Variants in CDV3 observed in about 807,000 individuals in gnomAD.
CDV3 encodes the protein CDV3 homolog.
Under a neutral mutation model 24.5 loss-of-function variants are expected in CDV3, and 14 were observed. That is an observed-to-expected ratio of 0.57 (90% CI 0.38 to 0.89). CDV3 has a LOEUF of 0.89. Among genes scored for constraint, CDV3 ranks in the 40% least tolerant of loss-of-function variants. The probability of loss-of-function intolerance (pLI) is 0.00; values close to 1 mark genes in which losing one functional copy is unlikely to be tolerated. For synonymous variants in CDV3, 114 were observed against 114.1 expected, an observed-to-expected ratio of 1.00 and a Z score of 0.00; for missense variants, 304 against 310.2, an observed-to-expected ratio of 0.98 and a Z score of 0.15.
At chr3:133,587,214 C>T (rs1446142138) in intron 4 of CDV3, 1 of 1,331,746 alleles carries the variant, frequency 7.5e-7, no homozygotes, top group Non-Finnish European at 9.8e-7. Context: ...GGCACATCTA[C>T]ATCTTACTTT....
intron 2 of CDV3, among the ~76,000 whole-genome samples, chr3:133,576,591 A>G (rs1340954755): frequency 6.6e-6 from 1 of 152,224 alleles, no homozygotes; most frequent in Non-Finnish European, 1.5e-5. Flanking sequence ...TTTGGTTTCA[A>G]GTTCACTGAG....
chr3:133,584,199 T>C, intron 3 of CDV3, 49 bp downstream of exon 3: 2 of 1,371,036 alleles, frequency 1.5e-6, no homozygotes, highest in Non-Finnish European at 2.0e-6. Context: ...TATATATGAT[T>C]TTATATATGG....
chr3:133,573,939 C>T lies in CDV3; in HGVS notation c.-106C>T, dbSNP rs1463478158. 1 of 941,122 alleles carries T rather than the reference C, an allele frequency of 1.1e-6. No homozygotes were observed. Among genetic ancestry groups the T allele is most frequent in the South Asian group, 4.9e-5 (1 of 20,422 alleles). 58.3% of individuals were successfully genotyped at this position (941,122 alleles called of 1,614,324 possible). ...CGACCCCGCGGGGCTGAGGCGTCGC[C>T]GCGCCCGGCAGCGTGAGCGCAGAGC... is the stretch of plus-strand genomic sequence containing the variant. On this transcript the variant is annotated 5_prime_UTR_variant, in exon 1 of 5. Coordinates refer to ENST00000264993, the MANE Select transcript of CDV3 (RefSeq NM_017548.5).
chr3:133,574,159 G>A lies in CDV3; in HGVS notation c.115G>A (p.Gly39Ser). 1 of 1,152,970 alleles carries A rather than the reference G, an allele frequency of 8.7e-7. No individual in the cohort carries two copies. The highest frequency in any genetic ancestry group is 1.1e-6 in the Non-Finnish European group (1 of 919,228). The allele number at this position is 1,152,970 out of a possible 1,614,324, so 71.4% of individuals were successfully genotyped here. ...TGCCGCGGGCGCAGCGGGCAGCGCC[G>A]GCGGAAGCAGTGGAGCCGCGGGTGC... ...ASAAGAAGSA[G>S]GSSGAAGAAG... The change falls in exon 1 of 5, where the codon GGC becomes AGC. Residue 39 changes from glycine (G) to serine (S), a missense_variant. Physicochemically the swap from Gly to Ser is moderately conservative, Grantham distance 56 (BLOSUM62 0). Around this residue, in one of 3 missense-constraint regions of CDV3, gnomAD observed 219 missense variants for 203.6 expected, o/e 1.08. Transcript: ENST00000264993.
intron 2 of CDV3, among the ~76,000 whole-genome samples, chr3:133,582,739 A>T (rs948287054): frequency 1.3e-5 from 2 of 152,162 alleles, no homozygotes; most frequent in Admixed American, 1.3e-4. Flanking sequence ...TAGAATGGTG[A>T]AGGAGTTGAG....
intron 1 of CDV3, chr3:133,574,738 G>GTAGCCGTAA: frequency 9.1e-7 from 1 of 1,098,934 alleles, no homozygotes; most frequent in Admixed American, 4.7e-5. Flanking sequence ...ACTCTCGGTG[G>GTAGCCGTAA]CAAGGTTGAA....
At chr3:133,576,755 C>G (rs571301140) in intron 2 of CDV3, among the ~76,000 whole-genome samples, 1 of 150,334 alleles carries the variant, frequency 6.7e-6, no homozygotes, top group South Asian at 2.1e-4. Flanking sequence ...TCTTAAATAA[C>G]TTACATACTT....
intron 3 of CDV3, among the ~76,000 whole-genome samples, chr3:133,584,699 C>CT (rs1202068547): frequency 6.6e-6 from 1 of 152,170 alleles, no homozygotes; most frequent in East Asian, 1.9e-4. Context: ...CCCTATTTAA[C>CT]TTTCCTGTTC....
chr3:133,582,104 A>T (rs1455461111), intron 2 of CDV3, among the ~76,000 whole-genome samples: 2 of 152,148 alleles, frequency 1.3e-5, no homozygotes, highest in Non-Finnish European at 2.9e-5. Flanking sequence ...TCTAGCCTCC[A>T]AATTCTGCAG....
chr3:133,589,808 A>G lies in CDV3; in HGVS notation c.*1762A>G, dbSNP rs542735937. The G allele has an allele frequency of 2.4e-4, 37 of 152,316 alleles. No homozygotes were observed. The highest frequency in any genetic ancestry group is 8.7e-4 in the African/African-American group (36 of 41,452). 9.4% of individuals were successfully genotyped at this position (152,316 alleles called of 1,614,324 possible). A position where few individuals can be genotyped will look rare whatever the true frequency, so the allele number is the denominator to read the frequency against. On this transcript the variant is annotated 3_prime_UTR_variant, in exon 5 of 5. Transcript: ENST00000264993. ...GCAGGCAGGATGCCTGCCTTCTAATATATTTGGGTGAGTAACTGAGCCAGC... is the reference window on the plus strand; with the variant it reads ...GCAGGCAGGATGCCTGCCTTCTAATGTATTTGGGTGAGTAACTGAGCCAGC...
intron 2 of CDV3, among the ~76,000 whole-genome samples, chr3:133,581,146 G>A (rs563033525): frequency 1.3e-5 from 2 of 152,080 alleles, no homozygotes; most frequent in South Asian, 4.1e-4. Flanking sequence ...ACTTTGGGAG[G>A]CAGAGGTAGG....
chr3:133,578,613 T>C (rs983889428), intron 2 of CDV3, among the ~76,000 whole-genome samples: 1 of 152,172 alleles, frequency 6.6e-6, no homozygotes, highest in Admixed American at 6.5e-5. Flanking sequence ...TCATCATCCA[T>C]GAAGGGGTCA....
At chr3:133,587,158 G>A (rs1176335829) in intron 4 of CDV3, 1 of 1,298,972 alleles carries the variant, frequency 7.7e-7, no homozygotes, top group Non-Finnish European at 1.0e-6. Flanking sequence ...TCTTATTTCA[G>A]CAGGTACTTA....
At chr3:133,587,221 C>A in intron 4 of CDV3, 1 of 1,311,548 alleles carries the variant, frequency 7.6e-7, no homozygotes, top group Admixed American at 3.5e-5. Context: ...CTACATCTTA[C>A]TTTAGGGACA....
At position 133,587,118 on chromosome 3, in the gene CDV3, T is replaced by C. The variant is rs186093991; in HGVS notation, c.626+396T>C. The stretch of plus-strand genomic sequence containing the variant: ...TTAATGTGACTATAGACAGAAGATG[T>C]TGGCATTTATAAATCTAATATTAAA... On this transcript the variant is annotated intron_variant, in intron 4 of 4. Coordinates refer to ENST00000264993, the MANE Select transcript of CDV3 (RefSeq NM_017548.5). 451 of 1,037,520 alleles carry C rather than the reference T, an allele frequency of 4.3e-4. 1 individual carries two copies. In the African/African-American group the frequency reaches 7.1e-3, roughly 16 times the overall value. The allele number at this position is 1,037,520 out of a possible 1,614,324, so 64.3% of individuals were successfully genotyped here.
In CDV3 at chr3:133,590,088, T is replaced by C. The variant is rs1181064419; in HGVS notation, c.*2042T>C. On this transcript the variant is annotated 3_prime_UTR_variant, in exon 5 of 5. Transcript: ENST00000264993. ...CAGATTTAAATTACAACTCTTGTTA[T>C]AACTTTTTAAAAGATTGTGAAAATA... 11 of 152,232 alleles carry C rather than the reference T, an allele frequency of 7.2e-5. No individual in the cohort carries two copies. Among genetic ancestry groups the C allele is most frequent in the Non-Finnish European group, 1.6e-4 (11 of 68,040 alleles). 9.4% of individuals were successfully genotyped at this position (152,232 alleles called of 1,614,324 possible).
chr3:133,575,081 T>G lies in CDV3; in HGVS notation c.283T>G (p.Tyr95Asp), dbSNP rs764361458. The G allele has an allele frequency of 1.2e-6, 2 of 1,604,318 alleles. No individual in the cohort carries two copies. Among genetic ancestry groups the G allele is most frequent in the Non-Finnish European group, 1.7e-6 (2 of 1,171,144 alleles). ...AGAATTGGAGCAAAAAGAGGTTGAT[T>G]ACAGCGGCCTCAGGGTTCAGGCAAT... Reference protein sequence around the residue: ...WKELEQKEVDYSGLRVQAMQI... With the variant: ...WKELEQKEVDDSGLRVQAMQI... The change falls in exon 2 of 5, where the codon TAC (tyrosine) becomes GAC (aspartate). Residue 95 changes from tyrosine (Y) to aspartate (D), a missense_variant. Around this residue, in one of 3 missense-constraint regions of CDV3, gnomAD observed 219 missense variants for 203.6 expected, o/e 1.08. Transcript: ENST00000264993.
intron 2 of CDV3, among the ~76,000 whole-genome samples, chr3:133,576,961 C>T (rs2074839114): frequency 6.7e-6 from 1 of 148,838 alleles, no homozygotes; most frequent in African/African-American, 2.5e-5. Flanking sequence ...GATTCTTCTG[C>T]CTCAGCCTCC....
chr3:133,585,534 G>A (rs1465485572), intron 3 of CDV3, among the ~76,000 whole-genome samples: 2 of 146,600 alleles, frequency 1.4e-5, no homozygotes, highest in Non-Finnish European at 3.0e-5. Flanking sequence ...TCACTCTCTT[G>A]CCCAGGCTGG....
Sources: allele counts gnomAD v4.1 joint callset (sites outside exome capture counted in the v4.1 genomes callset), GRCh38; gene constraint gnomAD v4.1.1; regional missense constraint gnomAD v4.1.1; transcripts MANE v1.5; gene names NCBI Gene and HGNC (gene_info 2026-07-23, HGNC 2026-07-21).